ACVR1C: variants seen among roughly 807,000 people sequenced by gnomAD.
ACVR1C encodes the protein activin receptor type-1C.
In ACVR1C, 23 loss-of-function variants were observed where a neutral mutation model predicts 57.9. That is an observed-to-expected ratio of 0.40 (90% confidence interval 0.29 to 0.56). The LOEUF is 0.56. ACVR1C is among the 20% of genes least tolerant of loss of function. ACVR1C has a pLI of 0.50. For missense variants in ACVR1C, 480 were observed against 607.9 expected, an observed-to-expected ratio of 0.79 and a Z score of 2.21; for synonymous variants, 214 against 215.3, an observed-to-expected ratio of 0.99 and a Z score of 0.05.
At chr2:157,613,636 T>A (rs1417473045) in intron 1 of ACVR1C, among the ~76,000 whole-genome samples, 1 of 152,236 alleles carries the variant, frequency 6.6e-6, no homozygotes, top group Admixed American at 6.5e-5. Context: ...CATATGGTTT[T>A]CTTTAGTCTG....
chr2:157,542,665 A>T, intron 6 of ACVR1C, 41 bp downstream of exon 6: 1 of 1,585,430 alleles, frequency 6.3e-7, no homozygotes, highest in Non-Finnish European at 8.6e-7. Context: ...CTTATTGGGC[A>T]CTCTCACATC....
At chr2:157,551,184 T>G (rs915244360) in intron 3 of ACVR1C, among the ~76,000 whole-genome samples, 2 of 152,240 alleles carry the variant, frequency 1.3e-5, no homozygotes, top group Non-Finnish European at 2.9e-5. Flanking sequence ...CGGATTCAGA[T>G]TTCAGCTCTG....
intron 1 of ACVR1C, among the ~76,000 whole-genome samples, chr2:157,613,264 T>G (rs1682571555): frequency 6.6e-6 from 1 of 152,236 alleles, no homozygotes; most frequent in African/African-American, 2.4e-5. Context: ...ATTATCTCTT[T>G]GCAATTTTGC....
At position 157,527,164 on chromosome 2, in the gene ACVR1C, T is replaced by C. The variant is rs1024082978; in HGVS notation, c.*6754A>G. 6.6e-6 allele frequency: 1 copy of C among 152,206 alleles called. No homozygotes were observed. Among genetic ancestry groups the C allele is most frequent in the Non-Finnish European group, 1.5e-5 (1 of 68,020 alleles). The allele number at this position is 152,206 out of a possible 1,614,324, so 9.4% of individuals were successfully genotyped here. On this transcript the variant is annotated 3_prime_UTR_variant, in exon 9 of 9. Coordinates refer to ENST00000243349, the MANE Select transcript of ACVR1C (RefSeq NM_145259.3). ...ATATCATTCATTTCTCTTTGGAGTTTGAAATTCTCTTCACCTTCCACATTT... is the reference window on the plus strand; with the variant it reads ...ATATCATTCATTTCTCTTTGGAGTTCGAAATTCTCTTCACCTTCCACATTT...
chr2:157,579,094 A>G (rs1489365658), intron 2 of ACVR1C, among the ~76,000 whole-genome samples: 1 of 152,114 alleles, frequency 6.6e-6, no homozygotes, highest in East Asian at 1.9e-4. Context: ...TAATGTGTTA[A>G]GCTTTGGAAG....
intron 2 of ACVR1C, among the ~76,000 whole-genome samples, chr2:157,580,112 C>A (rs191826893): frequency 1.3e-4 from 20 of 152,014 alleles, no homozygotes; most frequent in Non-Finnish European, 2.4e-4. Flanking sequence ...CACACACGTG[C>A]GCGTGCTATT....
At chr2:157,538,544 G>T (rs978842438) in intron 8 of ACVR1C, 29 bp downstream of exon 8, 3 of 1,522,498 alleles carry the variant, frequency 2.0e-6, no homozygotes, top group African/African-American at 1.4e-5. Context: ...AATATAATAA[G>T]AAAAATATAG....
intron 2 of ACVR1C, among the ~76,000 whole-genome samples, chr2:157,559,216 A>T (rs1688178193): frequency 6.6e-6 from 1 of 152,234 alleles, no homozygotes; most frequent in African/African-American, 2.4e-5. Context: ...AGAGATGTTT[A>T]TTATAGATGA....
chr2:157,626,849 G>C (rs1475184107), intron 1 of ACVR1C, among the ~76,000 whole-genome samples: 1 of 152,176 alleles, frequency 6.6e-6, no homozygotes, highest in Non-Finnish European at 1.5e-5. Context: ...TAAAAGTTCA[G>C]CTTCAATAAA....
In ACVR1C at chr2:157,544,472, G is replaced by T; in HGVS notation, c.916C>A (p.Leu306Ile). 1 of 1,613,224 alleles carries T rather than the reference G, an allele frequency of 6.2e-7. No homozygotes were observed. The highest frequency in any genetic ancestry group is 8.5e-7 in the Non-Finnish European group (1 of 1,179,644). The change falls in exon 5 of 9, where the codon CTT (leucine) becomes ATT (isoleucine). Residue 306 changes from leucine (L) to isoleucine (I), a missense_variant. By Grantham distance (5) the Leu-to-Ile change is conservative (BLOSUM62 2). Transcript: ENST00000243349. ...TGTGTACCAACAATCTCCATATGAA[G>T]GTGTGCCAGACCACTAGCAATTGAG... The part of the protein sequence containing the change: ...ALSIASGLAH[L>I]HMEIVGTQGK...
Position 157,542,662 on chromosome 2 carries a change from G to A in ACVR1C, c.1100+44C>T, listed in dbSNP as rs377742607. ...CACATGAGGACATTCATGCTTATTG[G>A]GCACTCTCACATCTTACTATGCTAC... On this transcript the variant is annotated intron_variant, in intron 6 of 8. Coordinates refer to ENST00000243349, the MANE Select transcript of ACVR1C (RefSeq NM_145259.3). 1.6e-5 allele frequency: 26 copies of A among 1,580,930 alleles called. No homozygotes were observed. In the African/African-American group the frequency reaches 2.0e-4, roughly 12 times the overall value.
At chr2:157,615,761 A>G in intron 1 of ACVR1C, among the ~76,000 whole-genome samples, 1 of 152,142 alleles carries the variant, frequency 6.6e-6, no homozygotes, top group East Asian at 1.9e-4. Flanking sequence ...TAAAGTTGTC[A>G]CTTTATTGCA....
At chr2:157,607,969 TTTTA>T (rs1454537621) in intron 1 of ACVR1C, among the ~76,000 whole-genome samples, 2 of 151,690 alleles carry the variant, frequency 1.3e-5, no homozygotes, top group Non-Finnish European at 3.0e-5. Context: ...TTTGAATGCC[TTTTA>T]TTTCTTTCTC....
intron 1 of ACVR1C, among the ~76,000 whole-genome samples, chr2:157,616,491 G>C (rs1682655543): frequency 6.6e-6 from 1 of 151,976 alleles, no homozygotes; most frequent in South Asian, 2.1e-4. Context: ...TTTAATCATA[G>C]TTATTTTAAA....
At chr2:157,621,313 A>T (rs1682765297) in intron 1 of ACVR1C, among the ~76,000 whole-genome samples, 1 of 152,122 alleles carries the variant, frequency 6.6e-6, no homozygotes, top group Admixed American at 6.5e-5. Flanking sequence ...CAATCAGAGC[A>T]GTGAATTCAA....
chr2:157,579,628 A>G (rs534405472), intron 2 of ACVR1C, among the ~76,000 whole-genome samples: 2 of 152,266 alleles, frequency 1.3e-5, no homozygotes, highest in South Asian at 4.1e-4. Context: ...TGTTTCTGGT[A>G]TATGCTCTTT....
At chr2:157,556,496 A>G (rs543509737) in intron 2 of ACVR1C, among the ~76,000 whole-genome samples, 164 bp from the exon 3 acceptor site, 1 of 150,812 alleles carries the variant, frequency 6.6e-6, no homozygotes, top group African/African-American at 2.5e-5. Flanking sequence ...AAAGATGGAG[A>G]AAAAAAATGA....
chr2:157,593,680 G>A (rs1573942808), intron 1 of ACVR1C, among the ~76,000 whole-genome samples: 2 of 152,178 alleles, frequency 1.3e-5, no homozygotes, highest in East Asian at 3.8e-4. Flanking sequence ...AGGAAAGCCA[G>A]ACAGGGTCAA....
intron 1 of ACVR1C, among the ~76,000 whole-genome samples, chr2:157,596,607 G>C (rs577943451): frequency 2.0e-5 from 3 of 152,182 alleles, no homozygotes; most frequent in East Asian, 1.9e-4. Context: ...CTCCCATCCA[G>C]ATATTTTCTA....
Sources: gnomAD v4.1 joint callset for allele counts (sites outside exome capture counted in the v4.1 genomes callset) on GRCh38, gnomAD v4.1.1 for gene constraint, MANE v1.5 for transcripts, NCBI Gene and HGNC (gene_info 2026-07-23, HGNC 2026-07-21) for gene names.